The following DPYSL5 variants were observed in gnomAD, a reference collection of about 807,000 sequenced individuals.
DPYSL5 encodes the protein dihydropyrimidinase like 5.
Under a neutral mutation model 58.4 loss-of-function variants are expected in DPYSL5, and 9 were observed. That is an observed-to-expected ratio of 0.15 (90% CI 0.09 to 0.27). The LOEUF (loss-of-function observed/expected upper bound fraction) is 0.27. Ranked by LOEUF, DPYSL5 falls within the 10% of genes least tolerant of loss-of-function variation. The probability of loss-of-function intolerance (pLI) is 1.00; values close to 1 mark genes in which losing one functional copy is unlikely to be tolerated. For synonymous variants in DPYSL5, 293 were observed against 301.9 expected (o/e 0.97, Z 0.31); for missense variants, 499 against 770.6 (o/e 0.65, Z 4.17).
chr2:26,908,428 A>G (rs1432462984), intron 2 of DPYSL5, among the ~76,000 whole-genome samples: 1 of 152,246 alleles, frequency 6.6e-6, no homozygotes, highest in Non-Finnish European at 1.5e-5. Flanking sequence ...TCCTGCTTCA[A>G]ACCAGCTACT....
intron 1 of DPYSL5, among the ~76,000 whole-genome samples, chr2:26,888,228 T>C (rs1455868568): frequency 7.6e-6 from 1 of 131,612 alleles, no homozygotes; most frequent in Non-Finnish European, 1.6e-5. Context: ...TTTCTTTCTT[T>C]CTTTCTTTCT....
chr2:26,873,371 C>G (rs1240603826), intron 1 of DPYSL5, among the ~76,000 whole-genome samples: 1 of 152,102 alleles, frequency 6.6e-6, no homozygotes, highest in Admixed American at 6.6e-5. Flanking sequence ...CTCCCCCTCA[C>G]CCCCCTGGCA....
In DPYSL5 at chr2:26,877,157, G is replaced by A. The variant is rs1663434211; in HGVS notation, c.-4-21339G>A. ...AATTTTTGTATTTTTAGTAGAAACGGGGTTTCACCATGTTGGCCAGGCTGG... is the reference window on the plus strand; with the variant it reads ...AATTTTTGTATTTTTAGTAGAAACGAGGTTTCACCATGTTGGCCAGGCTGG... On this transcript the variant is annotated intron_variant, in intron 1 of 12. Coordinates refer to ENST00000288699, the MANE Select transcript of DPYSL5 (RefSeq NM_020134.4). The surrounding 1 kb of genome is among the most constrained non-coding windows in gnomAD (Gnocchi z 4.1). Among the ~76,000 whole-genome samples, 1 of 151,194 alleles carries A rather than the reference G, an allele frequency of 6.6e-6. No individual in the cohort carries two copies. Among genetic ancestry groups the A allele is most frequent in the Admixed American group, 6.6e-5 (1 of 15,188 alleles).
At position 26,898,890 on chromosome 2, in the gene DPYSL5, G is replaced by A. The variant is rs1664083999; in HGVS notation, c.261+130G>A. The A allele has an allele frequency of 1.8e-6, 2 of 1,111,758 alleles. No individual in the cohort carries two copies. Among genetic ancestry groups the A allele is most frequent in the Admixed American group, 2.9e-5 (1 of 34,752 alleles). 68.9% of individuals were successfully genotyped at this position (1,111,758 alleles called of 1,614,324 possible). On this transcript the variant is annotated intron_variant, in intron 2 of 12. Transcript: ENST00000288699. This position sits in a 1 kb window ranked among gnomAD's most constrained non-coding sequence, Gnocchi z 6.1. ...TGCTGGCAGGAGAAGGGTGTGTCAG[G>A]GCCACTGTGGCAACTACAATAGGGA... is the stretch of plus-strand genomic sequence containing the variant.
chr2:26,867,165 G>A (rs1264495814), intron 1 of DPYSL5, among the ~76,000 whole-genome samples: 1 of 152,082 alleles, frequency 6.6e-6, no homozygotes, highest in Non-Finnish European at 1.5e-5. Flanking sequence ...ATAAATATAT[G>A]TACATAGGTA....
chr2:26,874,092 CTT>C (rs1377935707), intron 1 of DPYSL5, among the ~76,000 whole-genome samples: 1 of 151,968 alleles, frequency 6.6e-6, no homozygotes, highest in African/African-American at 2.4e-5. Context: ...TCAAGTGTCT[CTT>C]CAAATCTTTT....
At chr2:26,904,715 C>T (rs1664245775) in intron 2 of DPYSL5, among the ~76,000 whole-genome samples, 1 of 152,090 alleles carries the variant, frequency 6.6e-6, no homozygotes, top group Non-Finnish European at 1.5e-5. Flanking sequence ...GCAGCCTGGG[C>T]AACATGGCAA....
intron 2 of DPYSL5, among the ~76,000 whole-genome samples, chr2:26,917,573 G>A (rs1022304507): frequency 2.6e-5 from 4 of 152,042 alleles, no homozygotes; most frequent in African/African-American, 9.7e-5. Flanking sequence ...ATGGAGTGGG[G>A]GTCAGCATGC....
chr2:26,848,193 C>G lies in DPYSL5; in HGVS notation c.-66C>G, dbSNP rs1252411616. ...CCGCCCCGAGCACCCGCAGCTCCGG[C>G]GCCGCGGCGAGACGGAGACGGACCG... On this transcript the variant is annotated 5_prime_UTR_variant, in exon 1 of 13. Transcript: ENST00000288699. The G allele has an allele frequency of 1.3e-5, 2 of 151,702 alleles. No homozygotes were observed. The highest frequency in any genetic ancestry group is 3.9e-4 in the East Asian group (2 of 5,106). 9.4% of individuals were successfully genotyped at this position (151,702 alleles called of 1,614,324 possible).
chr2:26,882,321 C>G (rs962191352), intron 1 of DPYSL5, among the ~76,000 whole-genome samples: 1 of 152,070 alleles, frequency 6.6e-6, no homozygotes, highest in Non-Finnish European at 1.5e-5. Context: ...TCACAGCTCA[C>G]TGCAGTCCCG....
At position 26,944,924 on chromosome 2, in the gene DPYSL5, C is replaced by T. The variant is rs1415906174; in HGVS notation, c.1609+100C>T. ...CTGCTTTTCTTTTGTGTCCTCTCCT[C>T]CCTCCCGTTGCCTATTTCCAGGGAT... On this transcript the variant is annotated intron_variant, in intron 12 of 12. Coordinates refer to ENST00000288699, the MANE Select transcript of DPYSL5 (RefSeq NM_020134.4). This position sits in a 1 kb window ranked among gnomAD's most constrained non-coding sequence, Gnocchi z 4.4. 15 of 1,165,604 alleles carry T rather than the reference C, an allele frequency of 1.3e-5. No individual in the cohort carries two copies. In the Admixed American group the frequency reaches 3.1e-4, roughly 24 times the overall value. 72.2% of individuals were successfully genotyped at this position (1,165,604 alleles called of 1,614,324 possible). A position where few individuals can be genotyped will look rare whatever the true frequency, so the allele number is the denominator to read the frequency against.
chr2:26,944,930 C>T lies in DPYSL5; in HGVS notation c.1609+106C>T, dbSNP rs1040746625. On this transcript the variant is annotated intron_variant, in intron 12 of 12. Coordinates refer to ENST00000288699, the MANE Select transcript of DPYSL5 (RefSeq NM_020134.4). The surrounding 1 kb of genome is among the most constrained non-coding windows in gnomAD (Gnocchi z 4.4). ...TTCTTTTGTGTCCTCTCCTCCCTCC[C>T]GTTGCCTATTTCCAGGGATGAGTGC... is the stretch of plus-strand genomic sequence containing the variant. 1.2e-5 allele frequency: 13 copies of T among 1,120,572 alleles called. No individual in the cohort carries two copies. The highest frequency in any genetic ancestry group is 2.4e-4 in the Middle Eastern group (1 of 4,106). 69.4% of individuals were successfully genotyped at this position (1,120,572 alleles called of 1,614,324 possible). A position where few individuals can be genotyped will look rare whatever the true frequency, so the allele number is the denominator to read the frequency against.
chr2:26,919,325 CTG>C (rs1427333701), intron 2 of DPYSL5, among the ~76,000 whole-genome samples: 1 of 152,182 alleles, frequency 6.6e-6, no homozygotes, highest in Non-Finnish European at 1.5e-5. Flanking sequence ...TGCCTGGAAA[CTG>C]TGTCATAAAA....
rs1340186023 is a variant in DPYSL5, at chr2:26,925,483, C to G, written c.420+438C>G. ...AGGTCTCCGAACTGAGGCTCCCATC[C>G]TGCCTCAGTACTGTCTGGAATGAAA... On this transcript the variant is annotated intron_variant, in intron 3 of 12. Coordinates refer to ENST00000288699, the MANE Select transcript of DPYSL5 (RefSeq NM_020134.4). The surrounding 1 kb of genome is among the most constrained non-coding windows in gnomAD (Gnocchi z 4.5). Among the ~76,000 whole-genome samples the G allele has an allele frequency of 6.6e-6, 1 of 152,204 alleles. No individual in the cohort carries two copies. Among genetic ancestry groups the G allele is most frequent in the East Asian group, 1.9e-4 (1 of 5,192 alleles).
Position 26,933,462 on chromosome 2 carries a change from A to C in DPYSL5, c.790+129A>C, listed in dbSNP as rs1021131853. The C allele has an allele frequency of 8.8e-6, 7 of 795,162 alleles. No homozygotes were observed. Among genetic ancestry groups the C allele is most frequent in the Non-Finnish European group, 1.5e-5 (7 of 475,816 alleles). The allele number at this position is 795,162 out of a possible 1,614,324, so 49.3% of individuals were successfully genotyped here. A position where few individuals can be genotyped will look rare whatever the true frequency, so the allele number is the denominator to read the frequency against. ...GGACCTGAGCCAGCCCTTCCCTTTCATCTGCCACCGTCTTCCTCAGAGCTG... is the reference window on the plus strand; with the variant it reads ...GGACCTGAGCCAGCCCTTCCCTTTCCTCTGCCACCGTCTTCCTCAGAGCTG... On this transcript the variant is annotated intron_variant, in intron 7 of 12. Transcript: ENST00000288699. This position sits in a 1 kb window ranked among gnomAD's most constrained non-coding sequence, Gnocchi z 4.2.
At chr2:26,874,209 G>A (rs1333195738) in intron 1 of DPYSL5, among the ~76,000 whole-genome samples, 1 of 152,104 alleles carries the variant, frequency 6.6e-6, no homozygotes, top group African/African-American at 2.4e-5. Flanking sequence ...TTTTATCCCA[G>A]TCTATGGCTT....
Position 26,927,240 on chromosome 2 carries a change from A to G in DPYSL5, c.421-13A>G. On this transcript the variant is annotated splice_polypyrimidine_tract_variant and intron_variant, in intron 3 of 12. Transcript: ENST00000288699. This position sits in a 1 kb window ranked among gnomAD's most constrained non-coding sequence, Gnocchi z 4.3. ...TGCCCTCACGCAGCATTGCCCTTCT[A>G]CTTGTTCTCCAGGTGAAAGCAGAAA... 1 of 1,610,352 alleles carries G rather than the reference A, an allele frequency of 6.2e-7. No homozygotes were observed. Among genetic ancestry groups the G allele is most frequent in the Non-Finnish European group, 8.5e-7 (1 of 1,178,094 alleles).
chr2:26,875,144 C>T lies in DPYSL5; in HGVS notation c.-4-23352C>T, dbSNP rs148141473. ...ATTCCTCCAGTTCTCAGAAAAGCAA[C>T]GGATCACTTGATTAACTGCAACAGA... On this transcript the variant is annotated intron_variant, in intron 1 of 12. Transcript: ENST00000288699. 3.2e-3 allele frequency among the ~76,000 whole-genome samples: 489 copies of T among 152,214 alleles called. 2 individuals carry two copies. The highest frequency in any genetic ancestry group is 0.011 in the African/African-American group (473 of 41,514).
At chr2:26,884,520 T>TCTGACACA (rs35489206) in intron 1 of DPYSL5, among the ~76,000 whole-genome samples, 2 of 145,530 alleles carry the variant, frequency 1.4e-5, no homozygotes, top group African/African-American at 5.1e-5. Flanking sequence ...TTGTCCTATC[T>TCTGACACA]CACACACACA....
Sources: allele counts gnomAD v4.1 joint callset (sites outside exome capture counted in the v4.1 genomes callset), GRCh38; gene constraint gnomAD v4.1.1; non-coding constraint Gnocchi (gnomAD v3.1); transcripts MANE v1.5; gene names NCBI Gene and HGNC (gene_info 2026-07-23, HGNC 2026-07-21).